The following FLT3LG variants were observed in gnomAD, a reference collection of about 807,000 sequenced individuals.
FLT3LG encodes fms related receptor tyrosine kinase 3 ligand.
FLT3LG carries 8 observed loss-of-function variants against 30.9 expected under a neutral mutation model. That is an observed-to-expected ratio of 0.26 (90% CI 0.15 to 0.47). The LOEUF (loss-of-function observed/expected upper bound fraction) is 0.47. Among genes scored for constraint, FLT3LG ranks in the 20% least tolerant of loss-of-function variants. The pLI is 0.99. For synonymous variants in FLT3LG, 123 were observed against 135.9 expected, an observed-to-expected ratio of 0.91 and a Z score of 0.66; for missense variants, 278 against 306.2, an observed-to-expected ratio of 0.91 and a Z score of 0.69.
rs1371440087 is a variant in FLT3LG, at chr19:49,476,107, C to A, written c.145-38C>A. On this transcript the variant is annotated intron_variant, in intron 3 of 8. Transcript: ENST00000597551. This position sits in a 1 kb window ranked among gnomAD's most constrained non-coding sequence, Gnocchi z 5.3. ...TGGGTCCCCACAGTTCTGTTTCTCGCTGTTTTCAGCCAGGCCTGATCCTGT... is the reference window on the plus strand; with the variant it reads ...TGGGTCCCCACAGTTCTGTTTCTCGATGTTTTCAGCCAGGCCTGATCCTGT... 2 of 1,612,942 alleles carry A rather than the reference C, an allele frequency of 1.2e-6. No individual in the cohort carries two copies. The highest frequency in any genetic ancestry group is 1.7e-5 in the Admixed American group (1 of 60,014).
Position 49,478,933 on chromosome 19 carries a change from G to C in FLT3LG, c.367G>C (p.Val123Leu). Residue 123 changes from valine (V) to leucine (L), a missense_variant, in exon 6 of 9, where the codon GTC becomes CTC. Val to Leu is a conservative substitution (Grantham distance 32, BLOSUM62 1). Coordinates refer to ENST00000597551, the MANE Select transcript of FLT3LG (RefSeq NM_001459.4). ...FQPPPSCLRF[V>L]QTNISRLLQE... ...GCCCCCCCCCAGCTGTCTTCGCTTC[G>C]TCCAGACCAACATCTCCCGCCTCCT... The C allele has an allele frequency of 6.4e-7, 1 of 1,555,002 alleles. No individual in the cohort carries two copies. The highest frequency in any genetic ancestry group is 8.7e-7 in the Non-Finnish European group (1 of 1,149,466).
chr19:49,474,458 G>A, intron 1 of FLT3LG, 145 bp from the exon 2 acceptor site: 1 of 638,618 alleles, frequency 1.6e-6, no homozygotes, highest in Non-Finnish European at 2.8e-6. Context: ...CACCGTAACT[G>A]GGGCAGACGC....
chr19:49,483,838 G>A (rs2079697166), intron 8 of FLT3LG, among the ~76,000 whole-genome samples: 1 of 134,048 alleles, frequency 7.5e-6, no homozygotes, highest in South Asian at 2.4e-4. Flanking sequence ...GTGCACTCCA[G>A]CCTGGGCAAT....
At chr19:49,481,159 A>G in intron 8 of FLT3LG, 1 of 155,156 alleles carries the variant, frequency 6.4e-6, no homozygotes, top group Non-Finnish European at 1.4e-5. Context: ...GGACCATGGG[A>G]TGGAGTGGAG....
At position 49,480,319 on chromosome 19, in the gene FLT3LG, C is replaced by A. The variant is rs747868420; in HGVS notation, c.503C>A (p.Pro168Gln). Reference sequence around the variant, plus strand: ...CCAGACTCCTCAACCCTGCCACCCCCATGGAGTCCCCGGCCCCTGGAGGCC... The same window carrying A: ...CCAGACTCCTCAACCCTGCCACCCCAATGGAGTCCCCGGCCCCTGGAGGCC... Reference protein sequence around the residue: ...CQPDSSTLPPPWSPRPLEATA... With the variant: ...CQPDSSTLPPQWSPRPLEATA... The change falls in exon 7 of 9, where the codon CCA becomes CAA. Residue 168 changes from proline (P) to glutamine (Q), a missense_variant. By Grantham distance (76) the Pro-to-Gln change is moderately conservative. Coordinates refer to ENST00000597551, the MANE Select transcript of FLT3LG (RefSeq NM_001459.4). 6.2e-7 allele frequency: 1 copy of A among 1,606,160 alleles called. No individual in the cohort carries two copies. The highest frequency in any genetic ancestry group is 8.5e-7 in the Non-Finnish European group (1 of 1,175,442).
At chr19:49,485,326 C>T (rs1201802427) in intron 8 of FLT3LG, among the ~76,000 whole-genome samples, 41 of 149,530 alleles carry the variant, frequency 2.7e-4, no homozygotes, top group African/African-American at 9.6e-4. Flanking sequence ...CTTGGCTCAC[C>T]GCAACCTCTG....
At chr19:49,474,452 G>GT (rs1203110456) in intron 1 of FLT3LG, 151 bp from the exon 2 acceptor site, 3 of 626,604 alleles carry the variant, frequency 4.8e-6, no homozygotes, top group African/African-American at 3.8e-5. Context: ...AGTTTTCACC[G>GT]TAACTGGGGC....
Position 49,480,537 on chromosome 19 carries a change from CT to C in FLT3LG, c.661-12del, listed in dbSNP as rs2079568017. 4 of 1,612,080 alleles carry C rather than the reference CT, an allele frequency of 2.5e-6. No individual in the cohort carries two copies. Among genetic ancestry groups the C allele is most frequent in the Non-Finnish European group, 3.4e-6 (4 of 1,179,346 alleles). On this transcript the variant is annotated splice_polypyrimidine_tract_variant and intron_variant, in intron 7 of 8. Coordinates refer to ENST00000597551, the MANE Select transcript of FLT3LG (RefSeq NM_001459.4). ...GAGGGTGGCCCACTTGTGGCTGACACTTTGGGGCCCACAGGTGCCCCCCGTC... is the reference window on the plus strand; with the variant it reads ...GAGGGTGGCCCACTTGTGGCTGACACTTGGGGCCCACAGGTGCCCCCCGTC...
intron 6 of FLT3LG, chr19:49,479,623 TC>T: frequency 1.1e-5 from 2 of 185,456 alleles, no homozygotes; most frequent in Non-Finnish European, 1.1e-5. Flanking sequence ...TGCCTCAGCC[TC>T]CCCAGCAGCT....
At chr19:49,477,646 G>T (rs1436151316) in intron 5 of FLT3LG, among the ~76,000 whole-genome samples, 1 of 152,086 alleles carries the variant, frequency 6.6e-6, no homozygotes, top group Non-Finnish European at 1.5e-5. Context: ...GGAGACTGAG[G>T]CAGGAGAATT....
chr19:49,476,662 A>T lies in FLT3LG; in HGVS notation c.342+96A>T. ...CTAGGCCTTATTGGCGATTTGGACCATAGCCACCCAACGAAGGTAGAGCGA... is the reference window on the plus strand; with the variant it reads ...CTAGGCCTTATTGGCGATTTGGACCTTAGCCACCCAACGAAGGTAGAGCGA... On this transcript the variant is annotated intron_variant, in intron 5 of 8. Coordinates refer to ENST00000597551, the MANE Select transcript of FLT3LG (RefSeq NM_001459.4). This position sits in a 1 kb window ranked among gnomAD's most constrained non-coding sequence, Gnocchi z 5.3. 6.5e-7 allele frequency: 1 copy of T among 1,537,258 alleles called. No homozygotes were observed. Among genetic ancestry groups the T allele is most frequent in the Non-Finnish European group, 8.9e-7 (1 of 1,126,500 alleles).
intron 6 of FLT3LG, among the ~76,000 whole-genome samples, chr19:49,479,930 G>A (rs1380485372): frequency 6.6e-6 from 1 of 151,858 alleles, no homozygotes; most frequent in Non-Finnish European, 1.5e-5. Flanking sequence ...TCAGCCTTCC[G>A]AGTACCTGGG....
intron 6 of FLT3LG, 87 bp from the exon 7 acceptor site, chr19:49,480,211 G>A (rs2079553632): frequency 7.1e-6 from 7 of 982,724 alleles, no homozygotes; most frequent in Non-Finnish European, 1.1e-5. Flanking sequence ...CCCATCCAAG[G>A]TCACACAGCC....
Position 49,475,367 on chromosome 19 carries a change from G to T in FLT3LG, c.34-324G>T, listed in dbSNP as rs564515534. Among the ~76,000 whole-genome samples, 10 of 151,916 alleles carry T rather than the reference G, an allele frequency of 6.6e-5. No homozygotes were observed. The South Asian group carries it at 2.1e-3, about 32-fold the overall frequency. ...GGCAACAGTGGTGTAGAAGGCAGAGGGAGGGACAGAGCTGGAGGAACCCGG... is the reference window on the plus strand; with the variant it reads ...GGCAACAGTGGTGTAGAAGGCAGAGTGAGGGACAGAGCTGGAGGAACCCGG... On this transcript the variant is annotated intron_variant, in intron 2 of 8. Coordinates refer to ENST00000597551, the MANE Select transcript of FLT3LG (RefSeq NM_001459.4).
At chr19:49,474,369 T>C in intron 1 of FLT3LG, 88 bp downstream of exon 1, 2 of 573,358 alleles carry the variant, frequency 3.5e-6, no homozygotes, top group Non-Finnish European at 6.2e-6. Flanking sequence ...GGTGGGGGGC[T>C]GGGTTCCCGG....
intron 2 of FLT3LG, 75 bp downstream of exon 2, chr19:49,474,747 T>A: frequency 6.8e-7 from 1 of 1,461,654 alleles, no homozygotes; most frequent in Non-Finnish European, 9.5e-7. Flanking sequence ...TGAGGGGAGA[T>A]GGACGGGAGA....
At chr19:49,475,263 G>T (rs1057028749) in intron 2 of FLT3LG, among the ~76,000 whole-genome samples, 16 of 144,718 alleles carry the variant, frequency 1.1e-4, no homozygotes, top group African/African-American at 3.5e-4. Flanking sequence ...GAAAAGGGGG[G>T]AGATGGACAG....
At position 49,476,466 on chromosome 19, in the gene FLT3LG, G is replaced by A. The variant is rs1195581012; in HGVS notation, c.242G>A (p.Arg81His). The A allele has an allele frequency of 6.8e-6, 11 of 1,613,958 alleles. No homozygotes were observed. Among genetic ancestry groups the A allele is most frequent in the East Asian group, 4.5e-5 (2 of 44,892 alleles). Residue 81 changes from arginine (R) to histidine (H), a missense_variant, in exon 5 of 9, where the codon CGC (arginine) becomes CAC (histidine). Transcript: ENST00000597551. The surrounding 1 kb of genome is among the most constrained non-coding windows in gnomAD (Gnocchi z 5.3). Reference sequence around the variant, plus strand: ...CTCTGGCGGCTGGTCCTGGCACAGCGCTGGATGGAGCGGCTCAAGACTGTC... The same window carrying A: ...CTCTGGCGGCTGGTCCTGGCACAGCACTGGATGGAGCGGCTCAAGACTGTC... ...GGLWRLVLAQRWMERLKTVAG... is the reference protein window; with the variant it reads ...GGLWRLVLAQHWMERLKTVAG...
chr19:49,476,254 C>T lies in FLT3LG; in HGVS notation c.198+56C>T. 6.6e-7 allele frequency: 1 copy of T among 1,507,712 alleles called. No individual in the cohort carries two copies. The allele number at this position is 1,507,712 out of a possible 1,614,324, so 93.4% of individuals were successfully genotyped here. A position where few individuals can be genotyped will look rare whatever the true frequency, so the allele number is the denominator to read the frequency against. Reference sequence around the variant, plus strand: ...AGGTGGGGACCACAGACTCAAGATGCTCCACCGAGGCGAGTGGATAACCAG... The same window carrying T: ...AGGTGGGGACCACAGACTCAAGATGTTCCACCGAGGCGAGTGGATAACCAG... On this transcript the variant is annotated intron_variant, in intron 4 of 8. Transcript: ENST00000597551. This position sits in a 1 kb window ranked among gnomAD's most constrained non-coding sequence, Gnocchi z 5.3.
Sources: allele counts gnomAD v4.1 joint callset (sites outside exome capture counted in the v4.1 genomes callset), GRCh38; gene constraint gnomAD v4.1.1; non-coding constraint Gnocchi (gnomAD v3.1); transcripts MANE v1.5; gene names NCBI Gene and HGNC (gene_info 2026-07-23, HGNC 2026-07-21).